The following SLC38A11 variants were observed in gnomAD, a reference collection of about 807,000 sequenced individuals.
SLC38A11 encodes the protein solute carrier family 38 member 11.
Under a neutral mutation model 49.4 loss-of-function variants are expected in SLC38A11, and 51 were observed. The ratio of observed to expected loss-of-function variants is 1.03; its 90% CI spans 0.83 to 1.30. The LOEUF (loss-of-function observed/expected upper bound fraction) is 1.30, where lower values mean the gene tolerates loss of function less well. Ranked by LOEUF, SLC38A11 falls within the 50% of genes most tolerant of loss-of-function variation. SLC38A11 has a pLI of 0.00. For synonymous variants in SLC38A11, 203 were observed against 192.9 expected (o/e 1.05, Z -0.43); for missense variants, 574 against 556.2 (o/e 1.03, Z -0.32).
At chr2:164,946,200 A>G (rs1688094066) in intron 3 of SLC38A11, among the ~76,000 whole-genome samples, 1 of 152,162 alleles carries the variant, frequency 6.6e-6, no homozygotes, top group South Asian at 2.1e-4. Flanking sequence ...GTTTTATAAT[A>G]TAATAAAATT....
chr2:164,929,497 T>C (rs1026407516), intron 7 of SLC38A11, among the ~76,000 whole-genome samples: 23 of 152,130 alleles, frequency 1.5e-4, no homozygotes, highest in Non-Finnish European at 2.2e-4. Flanking sequence ...GAAAATTCTT[T>C]CTCTTTCTAT....
At chr2:164,945,931 A>G (rs1688075167) in intron 3 of SLC38A11, among the ~76,000 whole-genome samples, 1 of 152,214 alleles carries the variant, frequency 6.6e-6, no homozygotes, top group African/African-American at 2.4e-5. Context: ...ATATTTTTCA[A>G]TCAAGATGCA....
intron 5 of SLC38A11, among the ~76,000 whole-genome samples, chr2:164,944,275 G>A (rs1687964221): frequency 6.6e-6 from 1 of 152,102 alleles, no homozygotes; most frequent in Non-Finnish European, 1.5e-5. Context: ...AGTACATGAA[G>A]AAATGTTTGC....
At chr2:164,923,481 C>T (rs1425010617) in intron 7 of SLC38A11, among the ~76,000 whole-genome samples, 1 of 151,742 alleles carries the variant, frequency 6.6e-6, no homozygotes, top group Admixed American at 6.6e-5. Flanking sequence ...AAATGCTCAA[C>T]ATTACTAATT....
Position 164,897,507 on chromosome 2 carries a change from A to G in SLC38A11, c.*930T>C, listed in dbSNP as rs895512030. On this transcript the variant is annotated 3_prime_UTR_variant, in exon 12 of 12. Coordinates refer to ENST00000685975, the MANE Select transcript of SLC38A11 (RefSeq NM_001351537.2). ...TTTCCCCTCTCTCCCATTAGTTATGATAAACTCCATCTCACTATCTGCTCC... is the reference window on the plus strand; with the variant it reads ...TTTCCCCTCTCTCCCATTAGTTATGGTAAACTCCATCTCACTATCTGCTCC... 32 of 152,198 alleles carry G rather than the reference A, an allele frequency of 2.1e-4. No individual in the cohort carries two copies. Among genetic ancestry groups the G allele is most frequent in the African/African-American group, 7.7e-4 (32 of 41,426 alleles). The allele number at this position is 152,198 out of a possible 1,614,324, so 9.4% of individuals were successfully genotyped here. A position where few individuals can be genotyped will look rare whatever the true frequency, so the allele number is the denominator to read the frequency against.
At chr2:164,905,702 G>C (rs1684953121) in intron 11 of SLC38A11, among the ~76,000 whole-genome samples, 1 of 152,064 alleles carries the variant, frequency 6.6e-6, no homozygotes, top group Non-Finnish European at 1.5e-5. Flanking sequence ...TTTAAAACTA[G>C]CATAATTGTC....
chr2:164,922,613 C>T (rs560653526), intron 7 of SLC38A11, among the ~76,000 whole-genome samples: 2 of 152,298 alleles, frequency 1.3e-5, no homozygotes, highest in African/African-American at 2.4e-5. Context: ...AAGCAGTCTT[C>T]GCTTGCGGAT....
At chr2:164,917,847 T>G (rs1161557555) in intron 7 of SLC38A11, among the ~76,000 whole-genome samples, 1 of 152,056 alleles carries the variant, frequency 6.6e-6, no homozygotes, top group Non-Finnish European at 1.5e-5. Context: ...GTCCATATGG[T>G]TCCTTGGGTA....
chr2:164,942,092 G>A (rs938937636), intron 5 of SLC38A11, among the ~76,000 whole-genome samples: 4 of 152,052 alleles, frequency 2.6e-5, no homozygotes, highest in South Asian at 2.1e-4. Context: ...ATAAATCGGC[G>A]CTACTTTTCG....
At chr2:164,914,584 T>C (rs1422496554) in intron 9 of SLC38A11, among the ~76,000 whole-genome samples, 2 of 151,676 alleles carry the variant, frequency 1.3e-5, no homozygotes, top group African/African-American at 4.8e-5. Flanking sequence ...GAAAACAATA[T>C]GCTTGAGCCC....
Position 164,896,871 on chromosome 2 carries a change from G to A in SLC38A11, c.*1566C>T, listed in dbSNP as rs764395108. The A allele has an allele frequency of 1.3e-5, 2 of 151,980 alleles. No homozygotes were observed. Among genetic ancestry groups the A allele is most frequent in the African/African-American group, 2.4e-5 (1 of 41,388 alleles). The allele number at this position is 151,980 out of a possible 1,614,324, so 9.4% of individuals were successfully genotyped here. ...CTTGCCACTTTATTCAAACTACTGTGAACCTACCCTTTATACACTTCCTGT... is the reference window on the plus strand; with the variant it reads ...CTTGCCACTTTATTCAAACTACTGTAAACCTACCCTTTATACACTTCCTGT... On this transcript the variant is annotated 3_prime_UTR_variant, in exon 12 of 12. Transcript: ENST00000685975.
chr2:164,917,638 T>C lies in SLC38A11; in HGVS notation c.618-1665A>G, dbSNP rs559116382. On this transcript the variant is annotated intron_variant, in intron 7 of 11. Transcript: ENST00000685975. Reference sequence around the variant, plus strand: ...GGCAGCACTAACAGTTGTAGAAACTTGAGGATTCTCTAACTTTGCAATATG... The same window carrying C: ...GGCAGCACTAACAGTTGTAGAAACTCGAGGATTCTCTAACTTTGCAATATG... Among the ~76,000 whole-genome samples, 134 of 152,312 alleles carry C rather than the reference T, an allele frequency of 8.8e-4. 2 individuals are homozygous for C. The highest frequency in any genetic ancestry group is 3.1e-3 in the African/African-American group (128 of 41,572).
chr2:164,937,608 A>T, intron 6 of SLC38A11, 179 bp from the exon 7 acceptor site: 1 of 532,116 alleles, frequency 1.9e-6, no homozygotes, highest in Non-Finnish European at 3.4e-6. Flanking sequence ...TTCTTATCAG[A>T]TCAGTCTTGG....
chr2:164,932,788 A>C (rs1163820613), intron 7 of SLC38A11, among the ~76,000 whole-genome samples: 2 of 152,046 alleles, frequency 1.3e-5, no homozygotes, highest in African/African-American at 4.8e-5. Context: ...AATGGGTACT[A>C]GGCTTCATAC....
At chr2:164,942,668 T>C (rs1486211100) in intron 5 of SLC38A11, among the ~76,000 whole-genome samples, 2 of 152,212 alleles carry the variant, frequency 1.3e-5, no homozygotes, top group African/African-American at 2.4e-5. Flanking sequence ...TCTGACCACT[T>C]TCCTTAGCAT....
intron 2 of SLC38A11, among the ~76,000 whole-genome samples, chr2:164,954,259 A>G (rs1198375117): frequency 1.3e-5 from 2 of 152,212 alleles, no homozygotes; most frequent in Non-Finnish European, 2.9e-5. Flanking sequence ...AGAAAGTTAA[A>G]GAAAGATGAT....
intron 5 of SLC38A11, among the ~76,000 whole-genome samples, chr2:164,943,815 A>G (rs1286680383): frequency 6.6e-6 from 1 of 152,126 alleles, no homozygotes; most frequent in Non-Finnish European, 1.5e-5. Context: ...CCATGCTTAT[A>G]TGACTATATG....
rs142365042 is a variant in SLC38A11 at position 164,939,117 on chromosome 2, C to T, written c.537+333G>A. Among the ~76,000 whole-genome samples, 655 of 152,130 alleles carry T rather than the reference C, an allele frequency of 4.3e-3. 2 individuals carry two copies. Among genetic ancestry groups the T allele is most frequent in the African/African-American group, 0.015 (619 of 41,530 alleles). Reference sequence around the variant, plus strand: ...ACTTCTTAATTTTAAATTGTTTAAACCACCTACACAAAAGATGGAATACTT... The same window carrying T: ...ACTTCTTAATTTTAAATTGTTTAAATCACCTACACAAAAGATGGAATACTT... On this transcript the variant is annotated intron_variant, in intron 6 of 11. Coordinates refer to ENST00000685975, the MANE Select transcript of SLC38A11 (RefSeq NM_001351537.2).
intron 2 of SLC38A11, among the ~76,000 whole-genome samples, chr2:164,954,233 G>A (rs1432704694): frequency 6.6e-6 from 1 of 151,972 alleles, no homozygotes; most frequent in Non-Finnish European, 1.5e-5. Context: ...CAAATATCTG[G>A]AAGTTTTATA....
Sources: gnomAD v4.1 joint callset for allele counts (sites outside exome capture counted in the v4.1 genomes callset) on GRCh38, gnomAD v4.1.1 for gene constraint, MANE v1.5 for transcripts, NCBI Gene and HGNC (gene_info 2026-07-23, HGNC 2026-07-21) for gene names.